HS6ST3: variants seen among roughly 807,000 people sequenced by gnomAD.
HS6ST3 encodes heparan sulfate 6-O-sulfotransferase 3.
HS6ST3 carries 12 observed loss-of-function variants against 36.7 expected under a neutral mutation model. The observed-to-expected ratio is 0.33, with a 90% CI of 0.21 to 0.53. The LOEUF (loss-of-function observed/expected upper bound fraction) is 0.53, where lower values mean the gene tolerates loss of function less well. Among genes scored for constraint, HS6ST3 ranks in the 20% least tolerant of loss-of-function variants. HS6ST3 has a pLI of 0.95. For synonymous variants in HS6ST3, 240 were observed against 257.5 expected (o/e 0.93, Z 0.65); for missense variants, 584 against 640.9 (o/e 0.91, Z 0.96).
chr13:96,320,687 C>CAGCT (rs1290110177), intron 1 of HS6ST3, among the ~76,000 whole-genome samples: 1 of 152,240 alleles, frequency 6.6e-6, no homozygotes, highest in Non-Finnish European at 1.5e-5. Flanking sequence ...TCACTGTCAA[C>CAGCT]AGCTGCTAGC....
At chr13:96,682,097 A>T (rs2056720507) in intron 1 of HS6ST3, among the ~76,000 whole-genome samples, 1 of 152,050 alleles carries the variant, frequency 6.6e-6, no homozygotes, top group African/African-American at 2.4e-5. Context: ...ATAAAACACA[A>T]TTCATAAACT....
chr13:96,673,464 T>G (rs1479281472), intron 1 of HS6ST3, among the ~76,000 whole-genome samples: 1 of 152,180 alleles, frequency 6.6e-6, no homozygotes, highest in Non-Finnish European at 1.5e-5. Flanking sequence ...AATGAAGTGT[T>G]TAGTCTTCAT....
chr13:96,230,384 T>C (rs1240312071), intron 1 of HS6ST3, among the ~76,000 whole-genome samples: 1 of 152,090 alleles, frequency 6.6e-6, no homozygotes, highest in African/African-American at 2.4e-5. Context: ...ATCAACCAGA[T>C]AGGGATCACT....
intron 1 of HS6ST3, among the ~76,000 whole-genome samples, chr13:96,185,083 T>C (rs922813269): frequency 3.7e-4 from 56 of 152,366 alleles, no homozygotes; most frequent in African/African-American, 1.2e-3. Flanking sequence ...TGTGTATTTG[T>C]AGTTTGTTCC....
At chr13:96,807,543 C>A (rs893455777) in intron 1 of HS6ST3, among the ~76,000 whole-genome samples, 1 of 152,060 alleles carries the variant, frequency 6.6e-6, no homozygotes, top group African/African-American at 2.4e-5. Flanking sequence ...GAAACACCAA[C>A]GATTGCCAGC....
At chr13:96,653,350 T>C (rs597035) in intron 1 of HS6ST3, among the ~76,000 whole-genome samples, 150,814 of 152,236 alleles carry the variant, frequency 0.99, 74,715 homozygotes, top group Middle Eastern at 1. Context: ...CTAATGCTAT[T>C]CCTCCCCTAG....
At chr13:96,726,145 T>G (rs1379263969) in intron 1 of HS6ST3, among the ~76,000 whole-genome samples, 2 of 152,170 alleles carry the variant, frequency 1.3e-5, no homozygotes, top group African/African-American at 4.8e-5. Flanking sequence ...CTATGATATG[T>G]TTTTAATTCA....
intron 1 of HS6ST3, among the ~76,000 whole-genome samples, chr13:96,783,634 C>T (rs1157404974): frequency 2.6e-5 from 4 of 151,316 alleles, no homozygotes; most frequent in Admixed American, 6.6e-5. Flanking sequence ...TCATTGACAC[C>T]CTCATTTATG....
At chr13:96,189,520 A>G (rs2139344726) in intron 1 of HS6ST3, among the ~76,000 whole-genome samples, 1 of 152,236 alleles carries the variant, frequency 6.6e-6, no homozygotes, top group Non-Finnish European at 1.5e-5. Flanking sequence ...TTTGTCTGTG[A>G]GGTCCTCATC....
chr13:96,619,831 T>A (rs2056487792), intron 1 of HS6ST3, among the ~76,000 whole-genome samples: 1 of 152,190 alleles, frequency 6.6e-6, no homozygotes, highest in South Asian at 2.1e-4. Flanking sequence ...TACAGCTTCC[T>A]TTTTGGGTAG....
At chr13:96,465,501 A>G (rs1227703480) in intron 1 of HS6ST3, among the ~76,000 whole-genome samples, 2 of 152,344 alleles carry the variant, frequency 1.3e-5, no homozygotes, top group Non-Finnish European at 2.9e-5. Flanking sequence ...TGTACATAGT[A>G]TACGGTTTCA....
At chr13:96,268,574 C>T (rs1185892055) in intron 1 of HS6ST3, among the ~76,000 whole-genome samples, 1 of 151,856 alleles carries the variant, frequency 6.6e-6, no homozygotes, top group Non-Finnish European at 1.5e-5. Context: ...AAGTCCATAG[C>T]AATATGGCTT....
chr13:96,457,951 T>A (rs2139489632), intron 1 of HS6ST3, among the ~76,000 whole-genome samples: 1 of 152,260 alleles, frequency 6.6e-6, no homozygotes, highest in East Asian at 1.9e-4. Context: ...TACTACTGGG[T>A]TCGGTAGCTA....
intron 1 of HS6ST3, among the ~76,000 whole-genome samples, chr13:96,559,071 A>AATCTATCTATCT (rs3051060): frequency 2.7e-5 from 4 of 147,428 alleles, no homozygotes; most frequent in Admixed American, 2.0e-4. Flanking sequence ...GAATCTATAT[A>AATCTATCTATCT]ATCTATCTAT....
intron 1 of HS6ST3, among the ~76,000 whole-genome samples, chr13:96,310,261 A>G (rs1474612241): frequency 3.3e-5 from 5 of 152,212 alleles, no homozygotes; most frequent in Non-Finnish European, 7.4e-5. Flanking sequence ...ATGTATATAG[A>G]ATCAAACAGA....
intron 1 of HS6ST3, among the ~76,000 whole-genome samples, chr13:96,613,732 G>T (rs1172412051): frequency 2.6e-5 from 4 of 152,102 alleles, no homozygotes; most frequent in Non-Finnish European, 5.9e-5. Flanking sequence ...TGTAAACTCA[G>T]CAGTAAATAC....
chr13:96,217,025 G>A (rs894669812), intron 1 of HS6ST3, among the ~76,000 whole-genome samples: 6 of 152,012 alleles, frequency 3.9e-5, no homozygotes, highest in East Asian at 1.9e-4. Context: ...TCTGTGTTCC[G>A]CCTGCACCCC....
chr13:96,365,339 T>A (rs533123616), intron 1 of HS6ST3, among the ~76,000 whole-genome samples: 7 of 152,324 alleles, frequency 4.6e-5, no homozygotes, highest in Admixed American at 3.3e-4. Context: ...TAAAAGCATA[T>A]GTTTTGTGTT....
chr13:96,428,876 C>T (rs375818341), intron 1 of HS6ST3, among the ~76,000 whole-genome samples: 1 of 152,126 alleles, frequency 6.6e-6, no homozygotes, highest in Admixed American at 6.5e-5. Context: ...CAAAAATGCT[C>T]AATGGGAGAA....
Sources: allele counts gnomAD v4.1 joint callset (sites outside exome capture counted in the v4.1 genomes callset), GRCh38; gene constraint gnomAD v4.1.1; transcripts MANE v1.5; gene names NCBI Gene and HGNC (gene_info 2026-07-23, HGNC 2026-07-21).